DHX9: variants seen among roughly 807,000 people sequenced by gnomAD.
DHX9 encodes ATP-dependent RNA helicase A.
Under a neutral mutation model 148.7 loss-of-function variants are expected in DHX9, and 27 were observed. The observed-to-expected ratio is 0.18, with a 90% CI of 0.13 to 0.25. The LOEUF is 0.25. Ranked by LOEUF, DHX9 falls within the 10% of genes least tolerant of loss-of-function variation. The pLI is 1.00. For synonymous variants in DHX9, 529 were observed against 516.6 expected (o/e 1.02, Z -0.33); for missense variants, 796 against 1,559.6 (o/e 0.51, Z 8.25).
chr1:182,840,847 TGTC>T (rs1294892912), intron 1 of DHX9, among the ~76,000 whole-genome samples: 1 of 152,152 alleles, frequency 6.6e-6, no homozygotes, highest in East Asian at 1.9e-4. Context: ...ACTTGGTGGA[TGTC>T]GTACCGTTTA....
chr1:182,850,333 A>G (rs950714931), intron 3 of DHX9, among the ~76,000 whole-genome samples: 4 of 152,052 alleles, frequency 2.6e-5, no homozygotes, highest in Admixed American at 2.0e-4. Context: ...GGTGGCTCAC[A>G]CCTGTAATAC....
chr1:182,853,274 A>C, intron 4 of DHX9, 32 bp from the exon 5 acceptor site: 1 of 1,457,712 alleles, frequency 6.9e-7, no homozygotes, highest in Non-Finnish European at 9.6e-7. Context: ...TACAGTTATG[A>C]CTCATTAAGA....
Position 182,859,037 on chromosome 1 carries a change from C to T in DHX9, c.1063-3C>T. On this transcript the variant is annotated splice_region_variant and splice_polypyrimidine_tract_variant and intron_variant, in intron 10 of 27. Coordinates refer to ENST00000367549, the MANE Select transcript of DHX9 (RefSeq NM_001357.5). ...TTGACTATGTTGGCTTTTTGTTTTA[C>T]AGGCTACTCCAGAGCAAATAAGCAT... 1 of 1,613,216 alleles carries T rather than the reference C, an allele frequency of 6.2e-7. No homozygotes were observed. Among genetic ancestry groups the T allele is most frequent in the Middle Eastern group, 1.7e-4 (1 of 6,052 alleles).
At position 182,852,247 on chromosome 1, in the gene DHX9, C is replaced by A. The variant is rs767721577; in HGVS notation, c.267C>A (p.Pro89=). 2.2e-5 allele frequency: 36 copies of A among 1,608,962 alleles called. 1 individual carries two copies. The South Asian group carries it at 3.9e-4, about 17-fold the overall frequency. Residue 89 remains proline (P), a synonymous_variant, in exon 4 of 28, where the codon CCC becomes CCA. Coordinates refer to ENST00000367549, the MANE Select transcript of DHX9 (RefSeq NM_001357.5). ...TTCTTTTGCAGGTAGCATCTCCGCC[C>A]CCACTTACTGATACTCCTGACACTA... ...EVPAFGVASP[P]PLTDTPDTTA...
chr1:182,853,324 G>T lies in DHX9; in HGVS notation c.383G>T (p.Gly128Val). ...ALKAENNSEV[G>V]ASGYGVPGPT... Reference sequence around the variant, plus strand: ...TTAACAGAAAATAATTCTGAGGTAGGGGCCTCTGGCTATGGTGTTCCTGGG... The same window carrying T: ...TTAACAGAAAATAATTCTGAGGTAGTGGCCTCTGGCTATGGTGTTCCTGGG... The change falls in exon 5 of 28, where the codon GGG becomes GTG. Residue 128 changes from glycine to valine, a missense_variant. Gly to Val is a moderately radical substitution (Grantham distance 109). Around this residue, in one of 14 missense-constraint regions of DHX9, gnomAD observed 89 missense variants for 77.5 expected, o/e 1.15. Transcript: ENST00000367549. 6.2e-7 allele frequency: 1 copy of T among 1,612,912 alleles called. No homozygotes were observed. Among genetic ancestry groups the T allele is most frequent in the South Asian group, 1.1e-5 (1 of 90,912 alleles).
rs1429283457 is a variant in DHX9, at chr1:182,849,926, T to C, written c.253-2307T>C. ...AGTTTGCCCATTATAACTTTATTTT[T>C]ACTTGTGTTTTTTGCCATATCAAAA... On this transcript the variant is annotated intron_variant, in intron 3 of 27. Coordinates refer to ENST00000367549, the MANE Select transcript of DHX9 (RefSeq NM_001357.5). Among the ~76,000 whole-genome samples the C allele has an allele frequency of 2.1e-4, 30 of 144,178 alleles. No individual in the cohort carries two copies. The Admixed American group carries it at 2.2e-3, about 11-fold the overall frequency. The allele number at this position is 144,178 out of a possible 152,430, so 94.6% of individuals were successfully genotyped here. A position where few individuals can be genotyped will look rare whatever the true frequency, so the allele number is the denominator to read the frequency against.
chr1:182,859,668 A>C (rs1195647723), intron 11 of DHX9, among the ~76,000 whole-genome samples: 1 of 152,270 alleles, frequency 6.6e-6, no homozygotes, highest in East Asian at 1.9e-4. Flanking sequence ...GCTGGAGTAC[A>C]GTGGCTCAGT....
At chr1:182,875,834 TC>T (rs1270151142) in intron 16 of DHX9, among the ~76,000 whole-genome samples, 1 of 152,170 alleles carries the variant, frequency 6.6e-6, no homozygotes, top group Admixed American at 6.5e-5. Flanking sequence ...TTTAGTCCTA[TC>T]CTGTGAGAAA....
chr1:182,886,008 T>C (rs1286753302), intron 27 of DHX9, among the ~76,000 whole-genome samples: 1 of 152,100 alleles, frequency 6.6e-6, no homozygotes, highest in Admixed American at 6.6e-5. Flanking sequence ...GAGTTTAGGA[T>C]GTATGAATAT....
chr1:182,878,136 T>C lies in DHX9; in HGVS notation c.2314T>C (p.Phe772Leu), dbSNP rs766390195. The C allele has an allele frequency of 1.2e-6, 2 of 1,614,142 alleles. No individual in the cohort carries two copies. Among genetic ancestry groups the C allele is most frequent in the Admixed American group, 3.3e-5 (2 of 60,010 alleles). The stretch of plus-strand genomic sequence containing the variant: ...GCGAGCTGGCCGAGTACGGCCTGGA[T>C]TCTGCTTTCACCTGTGCAGCCGAGC... ...KGRAGRVRPG[F>L]CFHLCSRARF... Residue 772 changes from phenylalanine to leucine, a missense_variant, in exon 20 of 28, where the codon TTC becomes CTC. This residue lies in a region of DHX9 where 122 missense variants were observed against 289.3 expected (regional missense o/e 0.42). Transcript: ENST00000367549.
intron 12 of DHX9, among the ~76,000 whole-genome samples, chr1:182,860,651 C>A (rs200778777): frequency 6.6e-6 from 1 of 152,192 alleles, no homozygotes; most frequent in Admixed American, 6.5e-5. Flanking sequence ...ATTTCTCTTT[C>A]AGTAAATTAA....
At position 182,857,774 on chromosome 1, in the gene DHX9, TTGTC is replaced by T. The variant is rs1392147191; in HGVS notation, c.674-328_674-325del. Among the ~76,000 whole-genome samples, 4 of 152,238 alleles carry T rather than the reference TTGTC, an allele frequency of 2.6e-5. No homozygotes were observed. In the East Asian group the frequency reaches 7.7e-4, roughly 29 times the overall value. ...CTTTTACTGGTTTATTTTTTACTCT[TTGTC>T]TTTTCAAACTATGTTTTCTTCCCCA... On this transcript the variant is annotated intron_variant, in intron 7 of 27. Transcript: ENST00000367549.
intron 19 of DHX9, 40 bp downstream of exon 19, chr1:182,876,943 C>G: frequency 6.9e-7 from 1 of 1,448,760 alleles, no homozygotes; most frequent in East Asian, 2.3e-5. Context: ...TCCAGTGTTA[C>G]TAACTGGAAA....
intron 12 of DHX9, among the ~76,000 whole-genome samples, chr1:182,864,317 C>T (rs1648181974): frequency 6.6e-6 from 1 of 152,162 alleles, no homozygotes; most frequent in African/African-American, 2.4e-5. Flanking sequence ...CTCGTTGCCT[C>T]CAGCATTCCT....
At position 182,860,115 on chromosome 1, in the gene DHX9, T is replaced by C; in HGVS notation, c.1263T>C (p.Val421=). The C allele has an allele frequency of 6.2e-7, 1 of 1,613,854 alleles. No individual in the cohort carries two copies. The highest frequency in any genetic ancestry group is 8.5e-7 in the Non-Finnish European group (1 of 1,179,916). The change falls in exon 12 of 28, where the codon GTT becomes GTC. Residue 421 remains valine, a synonymous_variant. Transcript: ENST00000367549. ...GATGCGKTTQ[V]PQFILDDFIQ... is the part of the protein sequence containing the mutation. ...CTGGATGTGGGAAAACCACACAGGT[T>C]CCCCAGTTCATTCTAGATGACTTTA...
intron 19 of DHX9, 51 bp downstream of exon 19, chr1:182,876,954 C>G: frequency 5.3e-6 from 7 of 1,326,204 alleles, no homozygotes; most frequent in Non-Finnish European, 7.5e-6. Flanking sequence ...TAACTGGAAA[C>G]TTCTTACCAG....
At position 182,881,561 on chromosome 1, in the gene DHX9, A is replaced by G; in HGVS notation, c.2828A>G (p.Lys943Arg). 1 of 1,613,202 alleles carries G rather than the reference A, an allele frequency of 6.2e-7. No individual in the cohort carries two copies. The highest frequency in any genetic ancestry group is 8.5e-7 in the Non-Finnish European group (1 of 1,179,804). ...EEAEIRFCEH[K>R]RLNMATLRMT... ...GCAGAGATACGTTTTTGTGAGCACA[A>G]AAGACTTAATATGGCTACACTAAGA... The change falls in exon 24 of 28, where the codon AAA (lysine) becomes AGA (arginine). Residue 943 changes from lysine to arginine, a missense_variant. Lys to Arg is a conservative substitution (Grantham distance 26). Transcript: ENST00000367549.
intron 3 of DHX9, among the ~76,000 whole-genome samples, chr1:182,844,595 G>C (rs983513183): frequency 2.6e-5 from 4 of 152,120 alleles, no homozygotes; most frequent in African/African-American, 9.7e-5. Context: ...ACCTAGGGTG[G>C]AGTGCAGTGC....
Position 182,858,087 on chromosome 1 carries a change from C to G in DHX9, c.674-17C>G. 1 of 1,606,886 alleles carries G rather than the reference C, an allele frequency of 6.2e-7. No individual in the cohort carries two copies. Among genetic ancestry groups the G allele is most frequent in the Non-Finnish European group, 8.5e-7 (1 of 1,177,670 alleles). ...GATGATTTCTTTCTGTCTGATAATCCTGACCTTACATTATAGGGATTTTTG... is the reference window on the plus strand; with the variant it reads ...GATGATTTCTTTCTGTCTGATAATCGTGACCTTACATTATAGGGATTTTTG... On this transcript the variant is annotated splice_polypyrimidine_tract_variant and intron_variant, in intron 7 of 27. Coordinates refer to ENST00000367549, the MANE Select transcript of DHX9 (RefSeq NM_001357.5).
Sources: allele counts gnomAD v4.1 joint callset (sites outside exome capture counted in the v4.1 genomes callset), GRCh38; gene constraint gnomAD v4.1.1; regional missense constraint gnomAD v4.1.1; transcripts MANE v1.5; gene names NCBI Gene and HGNC (gene_info 2026-07-23, HGNC 2026-07-21).